PATE4: variants seen among roughly 807,000 people sequenced by gnomAD.
The protein encoded by PATE4 is prostate and testis expressed protein 4.
PATE4 carries 13 observed loss-of-function variants against 8.5 expected under a neutral mutation model. The ratio of observed to expected loss-of-function variants is 1.53; its 90% CI spans 1.00 to 2.43. PATE4 has a LOEUF of 2.43. Among genes scored for constraint, PATE4 ranks in the 30% most tolerant of loss-of-function variants. PATE4 has a pLI of 0.00. For missense variants in PATE4, 127 were observed against 115.5 expected, an observed-to-expected ratio of 1.10 and a Z score of -0.46; for synonymous variants, 47 against 39.3, an observed-to-expected ratio of 1.20 and a Z score of -0.73.
chr11:125,833,332 C>G lies in PATE4; in HGVS notation c.-28C>G. The stretch of plus-strand genomic sequence containing the variant: ...GCCCTTTCCAATACCTCACTCAGCA[C>G]ACCGTCTGTCACCCAAACAAGCATC... On this transcript the variant is annotated 5_prime_UTR_variant, in exon 1 of 3. Coordinates refer to ENST00000457514, the MANE Select transcript of PATE4 (RefSeq NM_001144874.1). 1 of 1,549,880 alleles carries G rather than the reference C, an allele frequency of 6.5e-7. No homozygotes were observed. Among genetic ancestry groups the G allele is most frequent in the Non-Finnish European group, 8.7e-7 (1 of 1,145,466 alleles).
chr11:125,838,198 C>G, intron 2 of PATE4, 108 bp from the exon 3 acceptor site: 1 of 1,274,840 alleles, frequency 7.8e-7, no homozygotes, highest in Non-Finnish European at 1.1e-6. Flanking sequence ...ACCCAGGAGC[C>G]GGGAAGGAGA....
At chr11:125,838,255 A>C in intron 2 of PATE4, 51 bp from the exon 3 acceptor site, 1 of 1,484,730 alleles carries the variant, frequency 6.7e-7, no homozygotes, top group South Asian at 1.4e-5. Context: ...TTAGTAAGTC[A>C]CTAGTAAGGC....
Position 125,838,816 on chromosome 11 carries a change from A to G in PATE4, c.*389A>G, listed in dbSNP as rs1943939494. 1 of 167,688 alleles carries G rather than the reference A, an allele frequency of 6.0e-6. No individual in the cohort carries two copies. Among genetic ancestry groups the G allele is most frequent in the Non-Finnish European group, 1.3e-5 (1 of 78,834 alleles). The allele number at this position is 167,688 out of a possible 1,614,324, so 10.4% of individuals were successfully genotyped here. On this transcript the variant is annotated 3_prime_UTR_variant, in exon 3 of 3. Coordinates refer to ENST00000457514, the MANE Select transcript of PATE4 (RefSeq NM_001144874.1). The stretch of plus-strand genomic sequence containing the variant: ...TTAAGGATCTTGAGAAGGGGAGGTT[A>G]TCTTGCATTATCTGGGGGGGCCCTA...
Position 125,837,934 on chromosome 11 carries a change from C to G in PATE4, c.125C>G (p.Thr42Ser). 1 of 1,551,610 alleles carries G rather than the reference C, an allele frequency of 6.4e-7. No homozygotes were observed. The highest frequency in any genetic ancestry group is 8.7e-7 in the Non-Finnish European group (1 of 1,146,940). The change falls in exon 2 of 3, where the codon ACT becomes AGT. Residue 42 changes from threonine to serine, a missense_variant. By Grantham distance (58) the Thr-to-Ser change is moderately conservative (BLOSUM62 1). Coordinates refer to ENST00000457514, the MANE Select transcript of PATE4 (RefSeq NM_001144874.1). ...TGGAAGTGTATGGCAGGCCGAGGCA[C>G]TTGCATTGCAAAAGAAAATGAGTTA... ...EGWKCMAGRG[T>S]CIAKENELCS...
At chr11:125,838,228 C>T in intron 2 of PATE4, 78 bp from the exon 3 acceptor site, 1 of 1,416,342 alleles carries the variant, frequency 7.1e-7, no homozygotes, top group Non-Finnish European at 9.3e-7. Context: ...AAGTGCTATT[C>T]CTCTTGGTGG....
intron 2 of PATE4, 23 bp from the exon 3 acceptor site, chr11:125,838,283 A>G: frequency 2.6e-6 from 4 of 1,527,270 alleles, no homozygotes; most frequent in East Asian, 2.5e-5. Flanking sequence ...TCCAGCATTT[A>G]TAACAGGCTT....
rs1038021792 is a variant in PATE4 at position 125,837,939 on chromosome 11, A to G, written c.130A>G (p.Ile44Val). ...GTGTATGGCAGGCCGAGGCACTTGC[A>G]TTGCAAAAGAAAATGAGTTATGTTC... ...WKCMAGRGTCIAKENELCSTT... is the reference protein window; with the variant it reads ...WKCMAGRGTCVAKENELCSTT... Residue 44 changes from isoleucine (I) to valine (V), a missense_variant, in exon 2 of 3, where the codon ATT becomes GTT. Transcript: ENST00000457514. 4 of 1,551,540 alleles carry G rather than the reference A, an allele frequency of 2.6e-6. No individual in the cohort carries two copies. The highest frequency in any genetic ancestry group is 2.0e-5 in the Admixed American group (1 of 50,972).
chr11:125,833,578 G>T (rs1943901795), intron 1 of PATE4, among the ~76,000 whole-genome samples, 161 bp downstream of exon 1: 1 of 152,086 alleles, frequency 6.6e-6, no homozygotes, highest in African/African-American at 2.4e-5. Flanking sequence ...CACTAATCCG[G>T]AAGAAAATGT....
At chr11:125,835,650 A>ACTCAAGAAAATGAGTTCTACTGG (rs1943914839) in intron 1 of PATE4, 1 of 152,168 alleles carries the variant, frequency 6.6e-6, no homozygotes, top group Non-Finnish European at 1.5e-5. Flanking sequence ...GACTCAAGGA[A>ACTCAAGAAAATGAGTTCTACTGG]CTCAAGAAAA....
rs1450018708 is a variant in PATE4 at position 125,838,350 on chromosome 11, C to T, written c.220C>T (p.Arg74Trp). The T allele has an allele frequency of 5.6e-5, 87 of 1,550,850 alleles. No individual in the cohort carries two copies. The highest frequency in any genetic ancestry group is 1.7e-4 in the Middle Eastern group (1 of 6,014). Residue 74 changes from arginine (R) to tryptophan (W), a missense_variant, in exon 3 of 3, where the codon CGG becomes TGG. Physicochemically the swap from Arg to Trp is moderately radical, Grantham distance 101. Coordinates refer to ENST00000457514, the MANE Select transcript of PATE4 (RefSeq NM_001144874.1). ...AACACATATGTGTAAGTATAAGTGC[C>T]GGGAAGAGGAGTCCTCCAAAAGAGG... ...YSTHMCKYKC[R>W]EEESSKRGLL...
chr11:125,833,509 G>A (rs925247009), intron 1 of PATE4, 92 bp downstream of exon 1: 2 of 1,180,630 alleles, frequency 1.7e-6, no homozygotes, highest in African/African-American at 1.5e-5. Flanking sequence ...TGCTCCAGCT[G>A]AGACCCAAAG....
chr11:125,838,856 G>A lies in PATE4; in HGVS notation c.*429G>A, dbSNP rs1004309324. 1 of 156,380 alleles carries A rather than the reference G, an allele frequency of 6.4e-6. No homozygotes were observed. Among genetic ancestry groups the A allele is most frequent in the South Asian group, 2.1e-4 (1 of 4,874 alleles). 9.7% of individuals were successfully genotyped at this position (156,380 alleles called of 1,614,324 possible). Reference sequence around the variant, plus strand: ...GGGGGGCCCTAAGTGGAATCAAAATGCAAAATGCAATAAGATGCAAGTAAA... The same window carrying A: ...GGGGGGCCCTAAGTGGAATCAAAATACAAAATGCAATAAGATGCAAGTAAA... On this transcript the variant is annotated 3_prime_UTR_variant, in exon 3 of 3. Transcript: ENST00000457514.
At chr11:125,834,015 T>C (rs73621110) in intron 1 of PATE4, among the ~76,000 whole-genome samples, 1 of 152,210 alleles carries the variant, frequency 6.6e-6, no homozygotes. Context: ...TAGTGAATGA[T>C]TCCTATGCTT....
At chr11:125,835,538 A>C (rs901660631) in intron 1 of PATE4, 13 of 152,150 alleles carry the variant, frequency 8.5e-5, no homozygotes, top group African/African-American at 3.1e-4. Context: ...AGCTGAGAGA[A>C]AATATAACCA....
intron 1 of PATE4, among the ~76,000 whole-genome samples, chr11:125,836,442 C>G (rs1485487367): frequency 6.6e-6 from 1 of 152,192 alleles, no homozygotes; most frequent in Admixed American, 6.5e-5. Flanking sequence ...TCTCATAGCA[C>G]AACCCACTCC....
chr11:125,837,797 C>G, intron 1 of PATE4, 71 bp from the exon 2 acceptor site: 3 of 1,069,188 alleles, frequency 2.8e-6, no homozygotes, highest in Middle Eastern at 2.2e-4. Context: ...CAACCTCTTA[C>G]TGATGCTGAA....
intron 2 of PATE4, 44 bp downstream of exon 2, chr11:125,838,028 C>T (rs1565435262): frequency 7.1e-7 from 1 of 1,400,214 alleles, no homozygotes; most frequent in Admixed American, 2.0e-5. Context: ...TGCAAAGAAC[C>T]ATCACTCTTG....
intron 1 of PATE4, chr11:125,835,406 T>C (rs928109703): frequency 2.0e-5 from 3 of 152,214 alleles, no homozygotes; most frequent in Admixed American, 6.5e-5. Context: ...TACATTCCCC[T>C]GGATCTGATC....
intron 1 of PATE4, among the ~76,000 whole-genome samples, chr11:125,833,923 C>T (rs1446471245): frequency 6.6e-6 from 1 of 152,094 alleles, no homozygotes; most frequent in African/African-American, 2.4e-5. Context: ...CTATTCTGAG[C>T]TTCAGTCTTT....
Sources: gnomAD v4.1 joint callset for allele counts (sites outside exome capture counted in the v4.1 genomes callset) on GRCh38, gnomAD v4.1.1 for gene constraint, MANE v1.5 for transcripts, NCBI Gene and HGNC (gene_info 2026-07-23, HGNC 2026-07-21) for gene names.